BAHCC1: variants seen among roughly 807,000 people sequenced by gnomAD.
BAHCC1 encodes the protein BAH and coiled-coil domain-containing protein 1.
A neutral mutation model predicts 88.2 loss-of-function variants in BAHCC1; 43 were observed. That is an observed-to-expected ratio of 0.49 (90% CI 0.38 to 0.63). BAHCC1 has a LOEUF of 0.63. Among genes scored for constraint, BAHCC1 ranks in the 20% least tolerant of loss-of-function variants. The pLI is 0.00. For synonymous variants in BAHCC1, 1,510 were observed against 745.5 expected (o/e 2.03, Z -16.71); for missense variants, 3,023 against 1,654.8 (o/e 1.83, Z -14.34).
intron 3 of BAHCC1, among the ~76,000 whole-genome samples, chr17:81,430,356 C>T (rs948060501): frequency 1.4e-3 from 206 of 152,218 alleles, no homozygotes; most frequent in African/African-American, 4.7e-3. Context: ...TCTCTTGTGC[C>T]ACCTGGGGGG....
intron 10 of BAHCC1, among the ~76,000 whole-genome samples, chr17:81,446,297 C>G (rs1555654304): frequency 1.3e-5 from 2 of 150,260 alleles, no homozygotes; most frequent in Non-Finnish European, 3.0e-5. Context: ...CTTTTTTTTG[C>G]AGTTAATGGG....
chr17:81,447,005 G>T (rs782276248), intron 10 of BAHCC1, 31 bp from the exon 11 acceptor site: 1 of 777,498 alleles, frequency 1.3e-6, no homozygotes, highest in Non-Finnish European at 2.4e-6. Context: ...ACCACTCCCA[G>T]CTCCCTGCTG....
chr17:81,453,780 C>G (rs890131178), intron 14 of BAHCC1, among the ~76,000 whole-genome samples: 1 of 152,238 alleles, frequency 6.6e-6, no homozygotes, highest in Non-Finnish European at 1.5e-5. Context: ...CCCCTCTTCC[C>G]GAGGGTCAGG....
chr17:81,463,864 C>T lies in BAHCC1; in HGVS notation c.*47C>T, dbSNP rs556543787. On this transcript the variant is annotated 3_prime_UTR_variant, in exon 28 of 28. Coordinates refer to ENST00000675386, the MANE Select transcript of BAHCC1 (RefSeq NM_001377448.1). ...CCACGTGCGCCAGGGACCCTGTGTG[C>T]GGAGCCTGGCGTCGGCCAAGCCACC... The T allele has an allele frequency of 2.7e-5, 19 of 695,192 alleles. No homozygotes were observed. The highest frequency in any genetic ancestry group is 1.8e-4 in the Admixed American group (9 of 49,840). The allele number at this position is 695,192 out of a possible 1,614,324, so 43.1% of individuals were successfully genotyped here.
At chr17:81,445,259 T>A (rs1435443833) in intron 9 of BAHCC1, 81 bp downstream of exon 9, 2 of 721,100 alleles carry the variant, frequency 2.8e-6, no homozygotes, top group Non-Finnish European at 2.6e-6. Context: ...AGGAGACCCC[T>A]GCATGCCTGG....
intron 3 of BAHCC1, among the ~76,000 whole-genome samples, chr17:81,429,173 G>A (rs1175650063): frequency 3.9e-5 from 6 of 152,206 alleles, no homozygotes; most frequent in Admixed American, 6.5e-5. Flanking sequence ...ACCAGCACGG[G>A]TGGAGGCGGG....
chr17:81,448,340 C>T (rs906884982), intron 11 of BAHCC1, among the ~76,000 whole-genome samples: 7 of 152,118 alleles, frequency 4.6e-5, no homozygotes, highest in African/African-American at 1.7e-4. Flanking sequence ...GCCTATGGGA[C>T]TGGGAGCTCC....
chr17:81,443,230 G>T lies in BAHCC1; in HGVS notation c.1881G>T (p.Pro627=). The T allele has an allele frequency of 1.3e-6, 1 of 779,394 alleles. No individual in the cohort carries two copies. 48.3% of individuals were successfully genotyped at this position (779,394 alleles called of 1,614,324 possible). A position where few individuals can be genotyped will look rare whatever the true frequency, so the allele number is the denominator to read the frequency against. The change falls in exon 5 of 28, where the codon CCG becomes CCT. Residue 627 remains proline (P), a synonymous_variant. Transcript: ENST00000675386. ...ALLPQELPAP[P]DEVSAMKNLL... is the part of the protein sequence containing the mutation. ...TGCCCCAGGAACTGCCTGCGCCGCC[G>T]GACGAGGTCTCAGCCATGAAGAACC...
At chr17:81,397,577 G>C (rs1202947969) in intron 1 of BAHCC1, among the ~76,000 whole-genome samples, 1 of 151,986 alleles carries the variant, frequency 6.6e-6, no homozygotes, top group African/African-American at 2.4e-5. Flanking sequence ...CCCGCCCGGC[G>C]CCCTCCGGGG....
chr17:81,453,239 C>G (rs1385256374), intron 14 of BAHCC1, among the ~76,000 whole-genome samples: 1 of 152,246 alleles, frequency 6.6e-6, no homozygotes, highest in Non-Finnish European at 1.5e-5. Context: ...CGCTGTGGAG[C>G]TGCTCACGGC....
intron 17 of BAHCC1, among the ~76,000 whole-genome samples, chr17:81,457,960 C>T (rs1174525796): frequency 8.7e-4 from 42 of 48,048 alleles, no homozygotes; most frequent in African/African-American, 1.4e-3. Flanking sequence ...GCTGGGTAAC[C>T]GGGGGGAGGG....
rs1373362378 is a variant in BAHCC1 at position 81,445,065 on chromosome 17, G to A, written c.2722G>A (p.Gly908Ser). Residue 908 changes from glycine (G) to serine (S), a missense_variant, in exon 9 of 28, where the codon GGC (glycine) becomes AGC (serine). Coordinates refer to ENST00000675386, the MANE Select transcript of BAHCC1 (RefSeq NM_001377448.1). ...GTGGCCCCCCATGTACGGGGGCCGG[G>A]GCCCCGCCTCTCACATGCAGCACCC... ...SLWPPMYGGR[G>S]PASHMQHPGQ... is the part of the protein sequence containing the mutation. The A allele has an allele frequency of 2.6e-6, 2 of 767,506 alleles. No individual in the cohort carries two copies. The highest frequency in any genetic ancestry group is 4.8e-6 in the Non-Finnish European group (2 of 413,622). The allele number at this position is 767,506 out of a possible 1,614,324, so 47.5% of individuals were successfully genotyped here.
intron 2 of BAHCC1, chr17:81,410,207 T>C (rs1391548669): frequency 4.4e-5 from 8 of 180,524 alleles, no homozygotes; most frequent in African/African-American, 9.6e-5. Flanking sequence ...GCACATGGCC[T>C]GTGCACGCCC....
At chr17:81,420,215 A>G (rs1170021296) in intron 2 of BAHCC1, among the ~76,000 whole-genome samples, 2 of 152,212 alleles carry the variant, frequency 1.3e-5, no homozygotes, top group African/African-American at 4.8e-5. Context: ...ATCCATGGCA[A>G]GGAGCCTGGA....
At chr17:81,449,696 C>G (rs1172302701) in intron 11 of BAHCC1, among the ~76,000 whole-genome samples, 1 of 151,212 alleles carries the variant, frequency 6.6e-6, no homozygotes, top group African/African-American at 2.4e-5. Context: ...GGCCCTCTCT[C>G]CCCCTCCCAT....
intron 26 of BAHCC1, 74 bp from the exon 27 acceptor site, chr17:81,462,666 C>T: frequency 1.4e-6 from 1 of 698,778 alleles, no homozygotes; most frequent in East Asian, 2.5e-5. Flanking sequence ...ACCACACCCT[C>T]CATGCCTCCT....
chr17:81,422,624 C>G (rs1263894528), intron 2 of BAHCC1, among the ~76,000 whole-genome samples: 1 of 152,160 alleles, frequency 6.6e-6, no homozygotes, highest in Non-Finnish European at 1.5e-5. Flanking sequence ...GCAGGGTCCC[C>G]CAAGTCCGGA....
chr17:81,432,547 A>G (rs1254819888), intron 3 of BAHCC1, among the ~76,000 whole-genome samples: 86 of 33,262 alleles, frequency 2.6e-3, no homozygotes, highest in Admixed American at 3.3e-3. Context: ...ACCCATCACC[A>G]GGCCCACCCT....
chr17:81,397,473 C>A (rs2063758069), intron 1 of BAHCC1, among the ~76,000 whole-genome samples: 1 of 151,978 alleles, frequency 6.6e-6, no homozygotes. Flanking sequence ...AAGCCTGGCA[C>A]CCCCGCGTGC....
Sources: gnomAD v4.1 joint callset for allele counts (sites outside exome capture counted in the v4.1 genomes callset) on GRCh38, gnomAD v4.1.1 for gene constraint, MANE v1.5 for transcripts, NCBI Gene and HGNC (gene_info 2026-07-23, HGNC 2026-07-21) for gene names.